USP10: variants seen among roughly 807,000 people sequenced by gnomAD.
USP10 encodes ubiquitin specific peptidase 10.
A neutral mutation model predicts 84.5 loss-of-function variants in USP10; 22 were observed. The observed-to-expected ratio is 0.26, with a 90% CI of 0.19 to 0.37. The LOEUF is 0.37. USP10 is among the 10% of genes least tolerant of loss of function. The pLI, the probability that USP10 is intolerant of heterozygous loss-of-function variation, is 1.00. For missense variants in USP10, 1,019 were observed against 998.9 expected (o/e 1.02, Z -0.27); for synonymous variants, 454 against 387.6 (o/e 1.17, Z -2.01).
Position 84,775,112 on chromosome 16 carries a change from C to G in USP10, c.2144-48C>G. 3 of 1,565,764 alleles carry G rather than the reference C, an allele frequency of 1.9e-6. No homozygotes were observed. The South Asian group carries it at 3.3e-5, about 17-fold the overall frequency. ...TTAGCCATTTTCTGCTGCTGTTACCCTGAACCTTTCTAAAAGTGCTTCAAG... is the reference window on the plus strand; with the variant it reads ...TTAGCCATTTTCTGCTGCTGTTACCGTGAACCTTTCTAAAAGTGCTTCAAG... On this transcript the variant is annotated intron_variant, in intron 12 of 13. Coordinates refer to ENST00000219473, the MANE Select transcript of USP10 (RefSeq NM_005153.3).
At chr16:84,763,808 C>T (rs191094673) in intron 9 of USP10, among the ~76,000 whole-genome samples, 3 of 148,260 alleles carry the variant, frequency 2.0e-5, no homozygotes, top group East Asian at 3.9e-4. Context: ...GATTGGTTGC[C>T]GTGGATCCAG....
Position 84,700,105 on chromosome 16 carries a change from C to A in USP10, c.15C>A (p.Ser5Arg). 1 of 1,354,948 alleles carries A rather than the reference C, an allele frequency of 7.4e-7. No homozygotes were observed. Among genetic ancestry groups the A allele is most frequent in the East Asian group, 4.0e-5 (1 of 25,050 alleles). The allele number at this position is 1,354,948 out of a possible 1,614,324, so 83.9% of individuals were successfully genotyped here. A position where few individuals can be genotyped will look rare whatever the true frequency, so the allele number is the denominator to read the frequency against. Residue 5 changes from serine (S) to arginine (R), a missense_variant, in exon 1 of 14, where the codon AGC (serine) becomes AGA (arginine). By Grantham distance (110) the Ser-to-Arg change is moderately radical. Transcript: ENST00000219473. ...AACGGGCAGCCATGGCCCTCCACAG[C>A]CCGCAGGTAGCCGCCGGTCTGCGCC... MALH[S>R]PQYIFGDFSP...
rs146262108 is a variant in USP10, at chr16:84,772,138, A to G, written c.1999-403A>G. ...GCGAACTTAGCTCACTGCAACGTCT[A>G]CCTCCTGGGTTCAAGGGATTCTCTT... On this transcript the variant is annotated intron_variant, in intron 11 of 13. Transcript: ENST00000219473. Among the ~76,000 whole-genome samples, 840 of 151,900 alleles carry G rather than the reference A, an allele frequency of 5.5e-3. 3 individuals are homozygous for G. Among genetic ancestry groups the G allele is most frequent in the Admixed American group, 0.013 (204 of 15,268 alleles).
rs770891908 is a variant in USP10 at position 84,745,541 on chromosome 16, T to C, written c.1060T>C (p.Ser354Pro). Residue 354 changes from serine to proline, a missense_variant, in exon 4 of 14, where the codon TCC becomes CCC. This residue lies in a region of USP10 where 787 missense variants were observed against 708.8 expected (regional missense o/e 1.11). Coordinates refer to ENST00000219473, the MANE Select transcript of USP10 (RefSeq NM_005153.3). ...CTTTCATGATTCTAAGCCCTCTTCC[T>C]CCTCGCCGGTGGCCTATGTGGAAAC... Reference protein sequence around the residue: ...SLFHDSKPSSSSPVAYVETKY... With the variant: ...SLFHDSKPSSPSPVAYVETKY... 2.5e-6 allele frequency: 4 copies of C among 1,612,638 alleles called. No homozygotes were observed. The highest frequency in any genetic ancestry group is 1.1e-5 in the South Asian group (1 of 90,778).
chr16:84,776,405 C>CT (rs1227788898), intron 13 of USP10, among the ~76,000 whole-genome samples: 3 of 152,004 alleles, frequency 2.0e-5, no homozygotes, highest in African/African-American at 7.3e-5. Flanking sequence ...TTCATTGTTC[C>CT]TTTTGACTCT....
intron 1 of USP10, among the ~76,000 whole-genome samples, chr16:84,729,594 C>A (rs1212157519): frequency 6.6e-6 from 1 of 152,240 alleles, no homozygotes; most frequent in African/African-American, 2.4e-5. Context: ...GGCTGAGCGC[C>A]TTGCAGAGAT....
chr16:84,735,275 T>TC (rs1399936022), intron 2 of USP10, among the ~76,000 whole-genome samples: 1 of 151,862 alleles, frequency 6.6e-6, no homozygotes, highest in East Asian at 1.9e-4. Context: ...TTGTATTTTT[T>TC]CCCACATCAC....
rs12596335 is a variant in USP10, at chr16:84,775,079, G to A, written c.2144-81G>A. 1.5e-4 allele frequency: 178 copies of A among 1,223,240 alleles called. 10 individuals are homozygous for A. Among genetic ancestry groups the A allele is most frequent in the East Asian group, 1.1e-3 (47 of 42,506 alleles). 75.8% of individuals were successfully genotyped at this position (1,223,240 alleles called of 1,614,324 possible). A position where few individuals can be genotyped will look rare whatever the true frequency, so the allele number is the denominator to read the frequency against. ...TGACAGGCAGTTTACTTGCTGGGGA[G>A]AATGTTGTTAGCCATTTTCTGCTGC... On this transcript the variant is annotated intron_variant, in intron 12 of 13. Coordinates refer to ENST00000219473, the MANE Select transcript of USP10 (RefSeq NM_005153.3).
intron 1 of USP10, among the ~76,000 whole-genome samples, chr16:84,712,861 A>G (rs1906494444): frequency 6.6e-6 from 1 of 152,198 alleles, no homozygotes; most frequent in African/African-American, 2.4e-5. Flanking sequence ...CAGCAAGTGT[A>G]GTCTGGAGAT....
chr16:84,714,602 C>T (rs1163256571), intron 1 of USP10, among the ~76,000 whole-genome samples: 3 of 151,950 alleles, frequency 2.0e-5, no homozygotes, highest in African/African-American at 4.8e-5. Context: ...AGGACTGCAG[C>T]GTATTCACAA....
chr16:84,769,032 T>G (rs368194901), intron 11 of USP10, among the ~76,000 whole-genome samples: 1 of 152,224 alleles, frequency 6.6e-6, no homozygotes, highest in East Asian at 1.9e-4. Flanking sequence ...TTTTGTACTC[T>G]GCAGCAGAGA....
At chr16:84,710,221 A>T (rs1442595441) in intron 1 of USP10, among the ~76,000 whole-genome samples, 1 of 150,944 alleles carries the variant, frequency 6.6e-6, no homozygotes, top group Non-Finnish European at 1.5e-5. Flanking sequence ...AGTGAGCCAG[A>T]CTGTGCCACT....
intron 3 of USP10, among the ~76,000 whole-genome samples, chr16:84,740,874 C>T (rs1475997724): frequency 1.3e-5 from 2 of 152,222 alleles, no homozygotes; most frequent in Non-Finnish European, 2.9e-5. Flanking sequence ...TTTGGGTCTC[C>T]ATCACAGGCA....
intron 1 of USP10, among the ~76,000 whole-genome samples, chr16:84,723,734 G>A (rs55634451): frequency 0.079 from 11,979 of 152,226 alleles, 638 homozygotes; most frequent in African/African-American, 0.16. Context: ...CTTTATGGAG[G>A]TATAACGTAT....
intron 4 of USP10, among the ~76,000 whole-genome samples, chr16:84,755,795 C>CAA (rs34780846): frequency 7.2e-6 from 1 of 138,616 alleles, no homozygotes; most frequent in Non-Finnish European, 1.6e-5. Flanking sequence ...GAGACTGTCT[C>CAA]AAAAAAAAAA....
rs116714164 is a variant in USP10, at chr16:84,775,386, A to G, written c.2209+161A>G. 8.2e-3 allele frequency among the ~76,000 whole-genome samples: 1,242 copies of G among 152,126 alleles called. 16 individuals carry two copies. Among genetic ancestry groups the G allele is most frequent in the African/African-American group, 0.028 (1,173 of 41,480 alleles). On this transcript the variant is annotated intron_variant, in intron 13 of 13. Transcript: ENST00000219473. ...GAGTCACGTGAGAGTTTTACCTGAAACTCTGCGTAGATGACGGATTATCAT... is the reference window on the plus strand; with the variant it reads ...GAGTCACGTGAGAGTTTTACCTGAAGCTCTGCGTAGATGACGGATTATCAT...
rs537290944 is a variant in USP10, at chr16:84,720,803, C to T, written c.22-12632C>T. Among the ~76,000 whole-genome samples, 5 of 150,800 alleles carry T rather than the reference C, an allele frequency of 3.3e-5. No homozygotes were observed. The East Asian group carries it at 7.8e-4, about 23-fold the overall frequency. ...TTCACCGTATTAGCGGGGATGGTCTCGATCTCCTGACCTCATGATCTGCCC... is the reference window on the plus strand; with the variant it reads ...TTCACCGTATTAGCGGGGATGGTCTTGATCTCCTGACCTCATGATCTGCCC... On this transcript the variant is annotated intron_variant, in intron 1 of 13. Coordinates refer to ENST00000219473, the MANE Select transcript of USP10 (RefSeq NM_005153.3).
intron 3 of USP10, among the ~76,000 whole-genome samples, chr16:84,742,969 A>G (rs749672013): frequency 7.2e-5 from 11 of 152,178 alleles, no homozygotes; most frequent in Non-Finnish European, 1.3e-4. Flanking sequence ...ATGACACAAC[A>G]CGTTCTAGTT....
intron 12 of USP10, among the ~76,000 whole-genome samples, chr16:84,774,841 T>C (rs141849337): frequency 6.6e-6 from 1 of 152,336 alleles, no homozygotes; most frequent in African/African-American, 2.4e-5. Context: ...ACAACTGTTT[T>C]TGTTTTTAAG....
Sources: allele counts gnomAD v4.1 joint callset (sites outside exome capture counted in the v4.1 genomes callset), GRCh38; gene constraint gnomAD v4.1.1; regional missense constraint gnomAD v4.1.1; transcripts MANE v1.5; gene names NCBI Gene and HGNC (gene_info 2026-07-23, HGNC 2026-07-21).